Variants in CNTNAP5 observed in about 807,000 individuals in gnomAD.
The protein encoded by CNTNAP5 is contactin associated protein family member 5, also known as contactin-associated protein-like 5.
A neutral mutation model predicts 150.2 loss-of-function variants in CNTNAP5; 72 were observed. That is an observed-to-expected ratio of 0.48 (90% CI 0.40 to 0.58). The LOEUF (loss-of-function observed/expected upper bound fraction) is 0.58. CNTNAP5 is among the 20% of genes least tolerant of loss of function. CNTNAP5 has a pLI of 0.00. For synonymous variants in CNTNAP5, 672 were observed against 619.8 expected (o/e 1.08, Z -1.25); for missense variants, 1,636 against 1,626.2 (o/e 1.01, Z -0.10).
intron 7 of CNTNAP5, among the ~76,000 whole-genome samples, chr2:124,478,708 AC>A (rs1179106110): frequency 1.3e-5 from 2 of 152,160 alleles, no homozygotes; most frequent in East Asian, 1.9e-4. Context: ...TCACTAAGTC[AC>A]TGTGGTACTA....
chr2:124,081,091 AT>A lies in CNTNAP5; in HGVS notation c.82+55360del, dbSNP rs554752796. ...TATATTTTTCTTTGAAAACTGTCTT[AT>A]AAAAATTAGGTGTATGTTAATGGAG... On this transcript the variant is annotated intron_variant, in intron 1 of 23. Transcript: ENST00000682447. 1.3e-3 allele frequency among the ~76,000 whole-genome samples: 205 copies of A among 152,328 alleles called. 3 individuals are homozygous for A. The South Asian group carries it at 0.031, about 23-fold the overall frequency.
At chr2:124,644,966 A>G (rs916077552) in intron 12 of CNTNAP5, among the ~76,000 whole-genome samples, 6 of 152,228 alleles carry the variant, frequency 3.9e-5, no homozygotes, top group Non-Finnish European at 7.3e-5. Flanking sequence ...GAGATAATAT[A>G]TGCTAAATGT....
intron 13 of CNTNAP5, among the ~76,000 whole-genome samples, chr2:124,669,295 C>T (rs1262266401): frequency 6.6e-6 from 1 of 152,202 alleles, no homozygotes; most frequent in Non-Finnish European, 1.5e-5. Context: ...CTACAGCCGC[C>T]AAATCCCATG....
At chr2:124,407,055 A>T (rs1249192714) in intron 3 of CNTNAP5, among the ~76,000 whole-genome samples, 1 of 152,194 alleles carries the variant, frequency 6.6e-6, no homozygotes, top group Admixed American at 6.5e-5. Flanking sequence ...TGGCTGAATA[A>T]TACATATACT....
intron 3 of CNTNAP5, among the ~76,000 whole-genome samples, chr2:124,250,814 T>C (rs780040): frequency 0.14 from 20,460 of 147,712 alleles, 1,999 homozygotes; most frequent in East Asian, 0.35. Context: ...TTTTTTTAAG[T>C]TGAAAAAAAA....
Position 124,102,542 on chromosome 2 carries a change from A to G in CNTNAP5, c.82+76810A>G, listed in dbSNP as rs73954557. ...TATGCTTCTGCTGTAGAGAAATGATAACACCAACAGAAGTCACAGAGGCGG... is the reference window on the plus strand; with the variant it reads ...TATGCTTCTGCTGTAGAGAAATGATGACACCAACAGAAGTCACAGAGGCGG... On this transcript the variant is annotated intron_variant, in intron 1 of 23. Coordinates refer to ENST00000682447, the MANE Select transcript of CNTNAP5 (RefSeq NM_001367498.1). Among the ~76,000 whole-genome samples, 803 of 152,272 alleles carry G rather than the reference A, an allele frequency of 5.3e-3. 10 individuals carry two copies. The highest frequency in any genetic ancestry group is 0.018 in the African/African-American group (759 of 41,554).
At chr2:124,895,073 T>C (rs1678275172) in intron 21 of CNTNAP5, among the ~76,000 whole-genome samples, 1 of 151,588 alleles carries the variant, frequency 6.6e-6, no homozygotes, top group Non-Finnish European at 1.5e-5. Context: ...AGGTAGTTAG[T>C]GTTCAGTTGA....
rs1573525170 is a variant in CNTNAP5, at chr2:124,653,910, A to ACC, written c.2077+5952_2077+5953insCC. 5.0e-3 allele frequency among the ~76,000 whole-genome samples: 91 copies of ACC among 18,356 alleles called. 1 individual carries two copies. The highest frequency in any genetic ancestry group is 0.045 in the Middle Eastern group (1 of 22). 12.0% of individuals were successfully genotyped at this position (18,356 alleles called of 152,430 possible). ...ACAGAAACATGCCCCCACTGCCCCC[A>ACC]ACCCCCCCCCCCCGCCACACACACA... On this transcript the variant is annotated intron_variant, in intron 13 of 23. Coordinates refer to ENST00000682447, the MANE Select transcript of CNTNAP5 (RefSeq NM_001367498.1).
intron 21 of CNTNAP5, among the ~76,000 whole-genome samples, chr2:124,870,578 G>A (rs1677724058): frequency 6.6e-6 from 1 of 152,030 alleles, no homozygotes; most frequent in African/African-American, 2.4e-5. Context: ...GATTTCCTAT[G>A]TATCCAGCTC....
intron 11 of CNTNAP5, among the ~76,000 whole-genome samples, chr2:124,568,871 C>T (rs963001870): frequency 2.6e-5 from 4 of 152,042 alleles, no homozygotes; most frequent in African/African-American, 7.2e-5. Flanking sequence ...CGGTGAAACC[C>T]CGTCTCTACT....
intron 11 of CNTNAP5, among the ~76,000 whole-genome samples, chr2:124,579,791 G>A (rs552635139): frequency 2.0e-5 from 3 of 152,336 alleles, no homozygotes; most frequent in South Asian, 4.1e-4. Context: ...ACTGAGAGTG[G>A]TGCTAAGGCC....
chr2:124,463,265 C>T (rs1333450758), intron 6 of CNTNAP5, among the ~76,000 whole-genome samples: 2 of 152,182 alleles, frequency 1.3e-5, no homozygotes, highest in Non-Finnish European at 2.9e-5. Flanking sequence ...ATAGTAAATT[C>T]ATTCAGACAA....
chr2:124,201,208 A>T (rs1269468411), intron 1 of CNTNAP5, among the ~76,000 whole-genome samples: 1 of 152,208 alleles, frequency 6.6e-6, no homozygotes, highest in African/African-American at 2.4e-5. Flanking sequence ...ACTGAGAAGG[A>T]CTTCTCTCTC....
At chr2:124,527,201 C>A in intron 9 of CNTNAP5, 84 bp from the exon 10 acceptor site, 1 of 1,185,750 alleles carries the variant, frequency 8.4e-7, no homozygotes, top group Non-Finnish European at 1.2e-6. Flanking sequence ...ACTAATTAGA[C>A]CTCAAGGTCT....
At chr2:124,493,649 T>A (rs1226672163) in intron 7 of CNTNAP5, among the ~76,000 whole-genome samples, 2 of 152,116 alleles carry the variant, frequency 1.3e-5, no homozygotes, top group African/African-American at 4.8e-5. Flanking sequence ...TTAATTAATT[T>A]TTTAACTTAA....
intron 1 of CNTNAP5, among the ~76,000 whole-genome samples, chr2:124,201,050 T>C (rs1685715702): frequency 6.6e-6 from 1 of 152,104 alleles, no homozygotes; most frequent in South Asian, 2.1e-4. Flanking sequence ...CTCTTTTTGC[T>C]GGGCCACCCA....
intron 12 of CNTNAP5, among the ~76,000 whole-genome samples, chr2:124,634,993 C>T (rs1172262202): frequency 6.6e-6 from 1 of 152,158 alleles, no homozygotes; most frequent in African/African-American, 2.4e-5. Context: ...AAGTTGCTTC[C>T]ACATTTCCAG....
At chr2:124,912,169 C>G (rs1476619784) in intron 23 of CNTNAP5, among the ~76,000 whole-genome samples, 2 of 152,032 alleles carry the variant, frequency 1.3e-5, no homozygotes, top group East Asian at 3.9e-4. Context: ...CCATCTGGGT[C>G]TACCAACACA....
chr2:124,278,999 G>A (rs1469302381), intron 3 of CNTNAP5, among the ~76,000 whole-genome samples: 1 of 152,128 alleles, frequency 6.6e-6, no homozygotes, highest in Admixed American at 6.6e-5. Context: ...CACTTGCCAA[G>A]TGTCAACAGG....
Sources: allele counts gnomAD v4.1 joint callset (sites outside exome capture counted in the v4.1 genomes callset), GRCh38; gene constraint gnomAD v4.1.1; transcripts MANE v1.5; gene names NCBI Gene and HGNC (gene_info 2026-07-23, HGNC 2026-07-21).